CACNA1H: variants seen among roughly 807,000 people sequenced by gnomAD.
CACNA1H encodes the protein voltage-dependent T-type calcium channel subunit alpha-1H.
In CACNA1H, 149 loss-of-function variants were observed where a neutral mutation model predicts 192.5. The ratio of observed to expected loss-of-function variants is 0.77; its 90% CI spans 0.68 to 0.89. The LOEUF is 0.89. Among genes scored for constraint, CACNA1H ranks in the 40% least tolerant of loss-of-function variants. CACNA1H has a pLI of 0.00. For synonymous variants in CACNA1H, 2,202 were observed against 1,475.2 expected (o/e 1.49, Z -11.29); for missense variants, 4,257 against 3,423.5 (o/e 1.24, Z -6.08).
At chr16:1,175,613 C>T (rs963626769) in intron 2 of CACNA1H, among the ~76,000 whole-genome samples, 14 of 152,206 alleles carry the variant, frequency 9.2e-5, no homozygotes, top group Admixed American at 8.5e-4. Context: ...CAGCTGGCCC[C>T]GTCCATTTAC....
At position 1,180,987 on chromosome 16, in the gene CACNA1H, C is replaced by T. The variant is rs1226729300; in HGVS notation, c.300-13985C>T. Among the ~76,000 whole-genome samples the T allele has an allele frequency of 6.6e-6, 1 of 152,322 alleles. No individual in the cohort carries two copies. The highest frequency in any genetic ancestry group is 6.5e-5 in the Admixed American group (1 of 15,308). On this transcript the variant is annotated intron_variant, in intron 2 of 34. Coordinates refer to ENST00000348261, the MANE Select transcript of CACNA1H (RefSeq NM_021098.3). The surrounding 1 kb of genome is among the most constrained non-coding windows in gnomAD (Gnocchi z 4.4). ...TTCCCGGCCAGACCCAAGGGTGGAG[C>T]TCCAGGCCACGTTCCCATGGAGGGA... is the stretch of plus-strand genomic sequence containing the variant.
intron 3 of CACNA1H, 149 bp from the exon 4 acceptor site, chr16:1,195,283 G>A (rs1295735389): frequency 9.1e-7 from 1 of 1,104,244 alleles, no homozygotes; most frequent in Non-Finnish European, 1.3e-6. Flanking sequence ...TCAAGGCGAG[G>A]CAGGGCTCAG....
In CACNA1H at chr16:1,212,318, C is replaced by T. The variant is rs1969548617; in HGVS notation, c.4759+180C>T. On this transcript the variant is annotated intron_variant, in intron 25 of 34. Coordinates refer to ENST00000348261, the MANE Select transcript of CACNA1H (RefSeq NM_021098.3). ...TGGCCCGAGAGGGCCGTCGGGGAGC[C>T]CGCCATGGCAGGAGAGGAGGAGACA... 4.4e-6 allele frequency: 5 copies of T among 1,148,936 alleles called. No homozygotes were observed. In the African/African-American group the frequency reaches 7.8e-5, roughly 18 times the overall value. 71.2% of individuals were successfully genotyped at this position (1,148,936 alleles called of 1,614,324 possible).
Position 1,202,556 on chromosome 16 carries a change from G to A in CACNA1H, c.2002+104G>A. On this transcript the variant is annotated intron_variant, in intron 9 of 34. Coordinates refer to ENST00000348261, the MANE Select transcript of CACNA1H (RefSeq NM_021098.3). ...ACACCCATTGTGGGCACTCTGATGA[G>A]CCCAGCTTTGACTTGTGAAACAGAC... 34 of 1,037,646 alleles carry A rather than the reference G, an allele frequency of 3.3e-5. 1 individual carries two copies. Among genetic ancestry groups the A allele is most frequent in the Non-Finnish European group, 4.6e-5 (34 of 740,374 alleles). The allele number at this position is 1,037,646 out of a possible 1,614,324, so 64.3% of individuals were successfully genotyped here. A position where few individuals can be genotyped will look rare whatever the true frequency, so the allele number is the denominator to read the frequency against.
rs371953309 is a variant in CACNA1H at position 1,215,275 on chromosome 16, G to C, written c.5073G>C (p.Leu1691=). The change falls in exon 29 of 35, where the codon CTG becomes CTC. Residue 1691 remains leucine, a synonymous_variant. Transcript: ENST00000348261. ...WNQLDLAIVL[L]SLMGITLEEI... ...AGCTGGACCTGGCCATCGTGCTGCT[G>C]TCACTCATGGGCATCACGCTGGAGG... The C allele has an allele frequency of 3.7e-6, 6 of 1,607,294 alleles. No homozygotes were observed. Among genetic ancestry groups the C allele is most frequent in the Non-Finnish European group, 5.1e-6 (6 of 1,177,396 alleles).
intron 2 of CACNA1H, among the ~76,000 whole-genome samples, chr16:1,162,503 C>A (rs1054247218): frequency 1.3e-5 from 2 of 152,198 alleles, no homozygotes; most frequent in Non-Finnish European, 2.9e-5. Flanking sequence ...AGGAGCAGCC[C>A]CCAGAGAGAG....
chr16:1,220,989 G>C lies in CACNA1H; in HGVS notation c.7057G>C (p.Val2353Leu), dbSNP rs150601404. The C allele has an allele frequency of 6.4e-7, 1 of 1,574,404 alleles. No individual in the cohort carries two copies. The highest frequency in any genetic ancestry group is 1.9e-5 in the Admixed American group (1 of 53,294). Residue 2353 changes from valine (V) to leucine (L), a missense_variant, in exon 35 of 35, where the codon GTG (valine) becomes CTG (leucine). By Grantham distance (32) the Val-to-Leu change is conservative. Coordinates refer to ENST00000348261, the MANE Select transcript of CACNA1H (RefSeq NM_021098.3). ...PAPGGGADDPV is the reference protein window; with the variant it reads ...PAPGGGADDPL ...CCCAGGGGGTGGTGCAGATGACCCC[G>C]TGTAGCTCGGGGCTTGGTGCCGCCC...
In CACNA1H at chr16:1,206,426, G is replaced by C; in HGVS notation, c.2789+137G>C. Reference sequence around the variant, plus strand: ...GAGCATCTGCAGACACTCGGCCTCTGCTGCCTTCATTTGAGAAGCACTGAT... The same window carrying C: ...GAGCATCTGCAGACACTCGGCCTCTCCTGCCTTCATTTGAGAAGCACTGAT... On this transcript the variant is annotated intron_variant, in intron 12 of 34. Transcript: ENST00000348261. 7.9e-6 allele frequency: 6 copies of C among 763,166 alleles called. No homozygotes were observed. In the South Asian group the frequency reaches 1.1e-4, roughly 14 times the overall value. 47.3% of individuals were successfully genotyped at this position (763,166 alleles called of 1,614,324 possible).
rs200158741 is a variant in CACNA1H, at chr16:1,220,875, G to A, written c.6943G>A (p.Gly2315Ser). 3.1e-4 allele frequency: 507 copies of A among 1,612,514 alleles called. No homozygotes were observed. Among genetic ancestry groups the A allele is most frequent in the Middle Eastern group, 1.3e-3 (8 of 6,082 alleles). ...AGAATCAGAGCCTCCCATGCCCGTCGGTGACCCCCCAGAGAAGAGGCGGGG... is the reference window on the plus strand; with the variant it reads ...AGAATCAGAGCCTCCCATGCCCGTCAGTGACCCCCCAGAGAAGAGGCGGGG... ...PPESEPPMPV[G>S]DPPEKRRGLY... Residue 2315 changes from glycine to serine, a missense_variant, in exon 35 of 35, where the codon GGT becomes AGT. Physicochemically the swap from Gly to Ser is moderately conservative, Grantham distance 56. Transcript: ENST00000348261.
intron 2 of CACNA1H, among the ~76,000 whole-genome samples, chr16:1,187,224 C>T (rs1187869443): frequency 6.6e-6 from 1 of 152,244 alleles, no homozygotes; most frequent in African/African-American, 2.4e-5. Flanking sequence ...GCGGCCAGCG[C>T]CGCGTGGGGC....
At position 1,204,238 on chromosome 16, in the gene CACNA1H, G is replaced by A. The variant is rs373764821; in HGVS notation, c.2231G>A (p.Arg744Gln). The A allele has an allele frequency of 4.0e-5, 65 of 1,610,806 alleles. No homozygotes were observed. Among genetic ancestry groups the A allele is most frequent in the South Asian group, 6.6e-5 (6 of 90,820 alleles). Residue 744 changes from arginine (R) to glutamine (Q), a missense_variant, in exon 10 of 35, where the codon CGA becomes CAA. By Grantham distance (43) the Arg-to-Gln change is conservative (BLOSUM62 1). Transcript: ENST00000348261. ...CACGGTGACCGCTGGGACCCCACGC[G>A]ACCACCCCGTGCGACGGACACACCA... is the stretch of plus-strand genomic sequence containing the variant. ...VRHGDRWDPT[R>Q]PPRATDTPGP...
intron 2 of CACNA1H, among the ~76,000 whole-genome samples, chr16:1,190,600 G>A (rs1008440494): frequency 1.3e-5 from 2 of 152,232 alleles, no homozygotes; most frequent in African/African-American, 2.4e-5. Flanking sequence ...GTTGGGAGGC[G>A]CGCAATACGC....
chr16:1,210,736 C>T, intron 20 of CACNA1H, 51 bp from the exon 21 acceptor site: 2 of 1,587,616 alleles, frequency 1.3e-6, no homozygotes, highest in Non-Finnish European at 1.7e-6. Context: ...GCGCCAGCTC[C>T]CCAGACCCCC....
intron 5 of CACNA1H, among the ~76,000 whole-genome samples, chr16:1,197,339 C>T (rs371139074): frequency 7.2e-5 from 11 of 152,320 alleles, no homozygotes; most frequent in Admixed American, 5.2e-4. Flanking sequence ...ACTGTACGTT[C>T]AGTCTGCACG....
Position 1,204,209 on chromosome 16 carries a change from C to G in CACNA1H, c.2202C>G (p.Val734=), listed in dbSNP as rs1222128472. 6.2e-7 allele frequency: 1 copy of G among 1,611,904 alleles called. No homozygotes were observed. The highest frequency in any genetic ancestry group is 1.3e-5 in the African/African-American group (1 of 74,926). Residue 734 remains valine, a synonymous_variant, in exon 10 of 35, where the codon GTC becomes GTG. Transcript: ENST00000348261. ...GCGTCTATGAATTCACGCAGGACGT[C>G]CGGCACGGTGACCGCTGGGACCCCA... ...GRGVYEFTQD[V]RHGDRWDPTR...
At chr16:1,203,352 A>G (rs1307799342) in intron 9 of CACNA1H, among the ~76,000 whole-genome samples, 2 of 152,176 alleles carry the variant, frequency 1.3e-5, no homozygotes, top group Non-Finnish European at 2.9e-5. Flanking sequence ...TCCCGTAGCT[A>G]ACTTCGCCTG....
intron 9 of CACNA1H, among the ~76,000 whole-genome samples, chr16:1,203,691 G>A (rs866167333): frequency 1.6e-4 from 25 of 152,282 alleles, no homozygotes; most frequent in African/African-American, 5.3e-4. Flanking sequence ...AAGTTCTGGC[G>A]GTTTTGCAAG....
chr16:1,192,554 G>A (rs1161834688), intron 2 of CACNA1H, among the ~76,000 whole-genome samples: 1 of 152,224 alleles, frequency 6.6e-6, no homozygotes, highest in African/African-American at 2.4e-5. Context: ...TGCCAGGAAG[G>A]CCATGCCGTA....
At chr16:1,214,399 G>T (rs865980806) in intron 27 of CACNA1H, among the ~76,000 whole-genome samples, 1 of 152,222 alleles carries the variant, frequency 6.6e-6, no homozygotes, top group Non-Finnish European at 1.5e-5. Context: ...TATGGAAAGC[G>T]TTTTGTGTGG....
Sources: allele counts gnomAD v4.1 joint callset (sites outside exome capture counted in the v4.1 genomes callset), GRCh38; gene constraint gnomAD v4.1.1; non-coding constraint Gnocchi (gnomAD v3.1); transcripts MANE v1.5; gene names NCBI Gene and HGNC (gene_info 2026-07-23, HGNC 2026-07-21).